The following CMTM8 variants were observed in gnomAD, a reference collection of about 807,000 sequenced individuals.
The protein encoded by CMTM8 is CKLF like MARVEL transmembrane domain containing 8.
CMTM8 carries 12 observed loss-of-function variants against 18.6 expected under a neutral mutation model. That is an observed-to-expected ratio of 0.65 (90% CI 0.41 to 1.05). The LOEUF is 1.05. Ranked by LOEUF, CMTM8 falls within the 50% of genes least tolerant of loss-of-function variation. CMTM8 has a pLI of 0.00. For missense variants in CMTM8, 217 were observed against 227.2 expected, an observed-to-expected ratio of 0.95 and a Z score of 0.29; for synonymous variants, 87 against 90.6, an observed-to-expected ratio of 0.96 and a Z score of 0.23.
chr3:32,283,956 A>G (rs1024668948), intron 1 of CMTM8, among the ~76,000 whole-genome samples: 1 of 152,218 alleles, frequency 6.6e-6, no homozygotes, highest in South Asian at 2.1e-4. Flanking sequence ...CCCACACACA[A>G]ATATACACTT....
chr3:32,364,468 C>A (rs898853603), intron 2 of CMTM8, among the ~76,000 whole-genome samples: 9 of 152,130 alleles, frequency 5.9e-5, no homozygotes, highest in African/African-American at 2.2e-4. Context: ...CACGCTACTG[C>A]AGTCAGCCTG....
intron 1 of CMTM8, among the ~76,000 whole-genome samples, chr3:32,294,424 C>A (rs568363016): frequency 6.6e-6 from 1 of 152,322 alleles, no homozygotes; most frequent in South Asian, 2.1e-4. Context: ...TCCACGTTCC[C>A]TCTGGCTTAG....
chr3:32,335,888 G>A (rs937804823), intron 1 of CMTM8, among the ~76,000 whole-genome samples: 1 of 152,152 alleles, frequency 6.6e-6, no homozygotes, highest in Non-Finnish European at 1.5e-5. Flanking sequence ...AAGATGAAGC[G>A]CACAGTCTTA....
chr3:32,286,322 ATC>A (rs1221216969), intron 1 of CMTM8, among the ~76,000 whole-genome samples: 1 of 152,074 alleles, frequency 6.6e-6, no homozygotes, highest in East Asian at 1.9e-4. Flanking sequence ...ATATATAAAA[ATC>A]TCTCTTAGCT....
chr3:32,348,551 G>A (rs1176370308), intron 1 of CMTM8, among the ~76,000 whole-genome samples: 2 of 9,920 alleles, frequency 2.0e-4, no homozygotes, highest in Non-Finnish European at 6.2e-4. Context: ...TTGGAGACAA[G>A]ATCTGACTCT....
intron 1 of CMTM8, among the ~76,000 whole-genome samples, chr3:32,281,130 ATGTAGAGATACCT>A (rs1702603601): frequency 6.6e-6 from 1 of 152,192 alleles, no homozygotes; most frequent in Non-Finnish European, 1.5e-5. Flanking sequence ...GACTATTAGT[ATGTAGAGATACCT>A]TGTAGGCCCA....
intron 1 of CMTM8, among the ~76,000 whole-genome samples, chr3:32,292,681 A>G (rs1702801034): frequency 6.6e-6 from 1 of 152,020 alleles, no homozygotes; most frequent in Non-Finnish European, 1.5e-5. Context: ...TGGGCTGGAT[A>G]ATTCTCTGCT....
At chr3:32,361,287 T>TTTGTTTTTTTTTGTTTTG (rs1553608173) in intron 2 of CMTM8, among the ~76,000 whole-genome samples, 1 of 33,548 alleles carries the variant, frequency 3.0e-5, no homozygotes. Context: ...AGCCTAAGAG[T>TTTGTTTTTTTTTGTTTTG]TTTTTTTTCT....
chr3:32,248,243 T>C (rs1702067032), intron 1 of CMTM8, among the ~76,000 whole-genome samples: 2 of 152,204 alleles, frequency 1.3e-5, no homozygotes, highest in Non-Finnish European at 2.9e-5. Context: ...ATCTGGATTC[T>C]GTTGCGTCTA....
At chr3:32,367,441 T>C (rs985156269) in intron 2 of CMTM8, among the ~76,000 whole-genome samples, 1 of 152,106 alleles carries the variant, frequency 6.6e-6, no homozygotes, top group African/African-American at 2.4e-5. Context: ...GGGCCTGTTT[T>C]GGGGGACACT....
At chr3:32,266,382 A>G (rs1428364861) in intron 1 of CMTM8, among the ~76,000 whole-genome samples, 1 of 152,242 alleles carries the variant, frequency 6.6e-6, no homozygotes, top group Non-Finnish European at 1.5e-5. Flanking sequence ...GATGCAGAAA[A>G]GGCCTTTGAC....
chr3:32,323,505 A>G (rs1488268235), intron 1 of CMTM8, among the ~76,000 whole-genome samples: 1 of 152,132 alleles, frequency 6.6e-6, no homozygotes, highest in Non-Finnish European at 1.5e-5. Flanking sequence ...GTAACCTTGT[A>G]ACTTTTACCC....
intron 1 of CMTM8, among the ~76,000 whole-genome samples, chr3:32,320,028 A>G (rs1696012252): frequency 6.6e-6 from 1 of 152,222 alleles, no homozygotes; most frequent in African/African-American, 2.4e-5. Flanking sequence ...CCTTCCGACT[A>G]GAGACCTGAT....
chr3:32,255,811 A>G (rs1381503717), intron 1 of CMTM8, among the ~76,000 whole-genome samples: 1 of 152,096 alleles, frequency 6.6e-6, no homozygotes, highest in Non-Finnish European at 1.5e-5. Context: ...TGCAGCCTCA[A>G]CATCCACAGG....
At chr3:32,357,619 C>T (rs1696842226) in intron 2 of CMTM8, 73 bp downstream of exon 2, 2 of 1,433,966 alleles carry the variant, frequency 1.4e-6, no homozygotes, top group African/African-American at 2.8e-5. Flanking sequence ...ACTAGTCAAT[C>T]CAAGACTGTC....
chr3:32,272,543 C>A (rs1702454396), intron 1 of CMTM8, among the ~76,000 whole-genome samples: 1 of 151,892 alleles, frequency 6.6e-6, no homozygotes, highest in African/African-American at 2.4e-5. Context: ...ATTTATATAA[C>A]TTCAATTTTA....
At chr3:32,340,834 G>A (rs1696478066) in intron 1 of CMTM8, among the ~76,000 whole-genome samples, 1 of 152,346 alleles carries the variant, frequency 6.6e-6, no homozygotes, top group South Asian at 2.1e-4. Context: ...GCACTAGATG[G>A]CGAATTCCTC....
chr3:32,275,065 G>A, intron 1 of CMTM8, among the ~76,000 whole-genome samples: 1 of 152,066 alleles, frequency 6.6e-6, no homozygotes, highest in Non-Finnish European at 1.5e-5. Context: ...ATGCAGTGGT[G>A]CAATCATGGC....
At chr3:32,269,236 T>G (rs1027626756) in intron 1 of CMTM8, among the ~76,000 whole-genome samples, 2 of 152,218 alleles carry the variant, frequency 1.3e-5, no homozygotes, top group Non-Finnish European at 2.9e-5. Flanking sequence ...GAGAAATGTC[T>G]GTGTGCTTTG....
Sources: allele counts gnomAD v4.1 joint callset (sites outside exome capture counted in the v4.1 genomes callset), GRCh38; gene constraint gnomAD v4.1.1; transcripts MANE v1.5; gene names NCBI Gene and HGNC (gene_info 2026-07-23, HGNC 2026-07-21).